TCF4: variants seen among roughly 807,000 people sequenced by gnomAD.
TCF4 encodes SL3-3 enhancer factor 2.
A neutral mutation model predicts 82.1 loss-of-function variants in TCF4; 3 were observed. The ratio of observed to expected loss-of-function variants is 0.04; its 90% CI spans 0.02 to 0.09. The LOEUF (loss-of-function observed/expected upper bound fraction) is 0.09, where lower values mean the gene tolerates loss of function less well. Among genes scored for constraint, TCF4 ranks in the 10% least tolerant of loss-of-function variants. The pLI, the probability that TCF4 is intolerant of heterozygous loss-of-function variation, is 1.00. For missense variants in TCF4, 518 were observed against 852.7 expected (o/e 0.61, Z 4.89); for synonymous variants, 276 against 309.6 (o/e 0.89, Z 1.14).
chr18:55,234,736 C>T, intron 15 of TCF4, 53 bp from the exon 16 acceptor site: 2 of 1,612,860 alleles, frequency 1.2e-6, no homozygotes, highest in Non-Finnish European at 1.7e-6. Context: ...GGTGCGACAG[C>T]TATTTCCAGA....
chr18:55,634,925 G>T (rs1198495296), intron 1 of TCF4, among the ~76,000 whole-genome samples: 1 of 152,210 alleles, frequency 6.6e-6, no homozygotes, highest in East Asian at 1.9e-4. Flanking sequence ...TCGTAAGGGG[G>T]TGCTGTTTTA....
intron 5 of TCF4, among the ~76,000 whole-genome samples, chr18:55,439,830 C>G (rs938778169): frequency 1.1e-4 from 16 of 152,230 alleles, no homozygotes; most frequent in African/African-American, 3.9e-4. Flanking sequence ...TCAATCAGTT[C>G]TCCTGCCTCA....
chr18:55,447,445 G>A (rs942310817), intron 5 of TCF4, among the ~76,000 whole-genome samples: 5 of 152,196 alleles, frequency 3.3e-5, no homozygotes, highest in African/African-American at 1.2e-4. Context: ...TCTTTTATTA[G>A]GATGTGGGCC....
upstream of TCF4, chr18:55,589,933 G>A (rs2097681187): frequency 4.5e-6 from 3 of 671,968 alleles, no homozygotes; most frequent in Non-Finnish European, 5.5e-6. Context: ...GGTGCTGGTC[G>A]ACCACGCCTC....
At position 55,380,537 on chromosome 18, in the gene TCF4, C is replaced by G. The variant is rs28667731; in HGVS notation, c.369+22917G>C. ...CTCCCAAAGGCTTCACCTCCTAACA[C>G]CATCCCACTGGGGATTAAGGTTTCA... On this transcript the variant is annotated intron_variant, in intron 6 of 19. Coordinates refer to ENST00000354452, the MANE Select transcript of TCF4 (RefSeq NM_001083962.2). Among the ~76,000 whole-genome samples, 1,304 of 152,302 alleles carry G rather than the reference C, an allele frequency of 8.6e-3. 17 individuals carry two copies. Among genetic ancestry groups the G allele is most frequent in the Middle Eastern group, 0.038 (11 of 292 alleles).
intron 6 of TCF4, among the ~76,000 whole-genome samples, chr18:55,402,496 A>G (rs980502525): frequency 4.8e-5 from 7 of 146,470 alleles, no homozygotes; most frequent in Non-Finnish European, 9.2e-5. Context: ...CCAGCATTTG[A>G]AAAAAAAAAA....
intron 2 of TCF4, among the ~76,000 whole-genome samples, chr18:55,611,429 T>C (rs1269960690): frequency 6.6e-6 from 1 of 152,198 alleles, no homozygotes; most frequent in Non-Finnish European, 1.5e-5. Flanking sequence ...CCAATTTTTC[T>C]TCAACTATCA....
At chr18:55,430,381 C>T (rs987121386) in intron 5 of TCF4, among the ~76,000 whole-genome samples, 1 of 152,286 alleles carries the variant, frequency 6.6e-6, no homozygotes, top group East Asian at 1.9e-4. Context: ...CCTGGCAAAG[C>T]CAATAATTTC....
chr18:55,549,127 C>T (rs1342106302), intron 3 of TCF4, among the ~76,000 whole-genome samples: 1 of 151,892 alleles, frequency 6.6e-6, no homozygotes, highest in African/African-American at 2.4e-5. Context: ...ACGGCAAAAC[C>T]CCGTCACCAC....
At chr18:55,553,868 A>G (rs1325611273) in intron 3 of TCF4, among the ~76,000 whole-genome samples, 1 of 152,186 alleles carries the variant, frequency 6.6e-6, no homozygotes, top group African/African-American at 2.4e-5. Flanking sequence ...CAATTTTTCC[A>G]CTTACTTTAA....
At chr18:55,282,904 T>C (rs958505537) in intron 8 of TCF4, among the ~76,000 whole-genome samples, 5 of 152,000 alleles carry the variant, frequency 3.3e-5, no homozygotes, top group African/African-American at 7.3e-5. Flanking sequence ...ACAAGAGTAA[T>C]TGAGAAGTGT....
At chr18:55,422,815 A>AT (rs1312222325) in intron 5 of TCF4, among the ~76,000 whole-genome samples, 1 of 152,198 alleles carries the variant, frequency 6.6e-6, no homozygotes, top group Non-Finnish European at 1.5e-5. Context: ...CCTCATTTGC[A>AT]TATTTTTCTT....
intron 13 of TCF4, among the ~76,000 whole-genome samples, chr18:55,259,131 T>C (rs890954089): frequency 6.6e-6 from 1 of 152,110 alleles, no homozygotes; most frequent in Non-Finnish European, 1.5e-5. Flanking sequence ...ATGCAGGAAA[T>C]AACAAACGCA....
chr18:55,625,435 C>T (rs1325890547), intron 2 of TCF4, among the ~76,000 whole-genome samples: 1 of 152,084 alleles, frequency 6.6e-6, no homozygotes, highest in Non-Finnish European at 1.5e-5. Flanking sequence ...GACGGGGTTT[C>T]ACCATATTGG....
intron 17 of TCF4, chr18:55,229,959 A>G (rs1239345237): frequency 1.3e-5 from 2 of 152,264 alleles, no homozygotes; most frequent in East Asian, 3.9e-4. Flanking sequence ...CCTGGACGAT[A>G]TAGTGAGACC....
At chr18:55,425,236 CACA>C (rs1444678276) in intron 5 of TCF4, among the ~76,000 whole-genome samples, 1 of 152,178 alleles carries the variant, frequency 6.6e-6, no homozygotes, top group Non-Finnish European at 1.5e-5. Context: ...GGCAATTTTA[CACA>C]ACACTAGGCA....
chr18:55,277,844 A>G (rs915980410), intron 9 of TCF4, among the ~76,000 whole-genome samples: 2 of 152,140 alleles, frequency 1.3e-5, no homozygotes, highest in African/African-American at 4.8e-5. Flanking sequence ...AATCTCTGTA[A>G]GCTCCTGTAG....
intron 12 of TCF4, among the ~76,000 whole-genome samples, chr18:55,260,331 G>C (rs553365771): frequency 6.7e-6 from 1 of 149,862 alleles, no homozygotes; most frequent in Admixed American, 6.6e-5. Context: ...CAGATACTTT[G>C]AACTTTCCTT....
chr18:55,366,573 A>C (rs1403401074), intron 6 of TCF4, among the ~76,000 whole-genome samples: 1 of 152,256 alleles, frequency 6.6e-6, no homozygotes, highest in Non-Finnish European at 1.5e-5. Context: ...GCTTAAAAGA[A>C]AATTTACTAC....
Sources: allele counts gnomAD v4.1 joint callset (sites outside exome capture counted in the v4.1 genomes callset), GRCh38; gene constraint gnomAD v4.1.1; transcripts MANE v1.5; gene names NCBI Gene and HGNC (gene_info 2026-07-23, HGNC 2026-07-21).